The following GALNT11 variants were observed in gnomAD, a reference collection of about 807,000 sequenced individuals.
GALNT11 encodes the protein polypeptide N-acetylgalactosaminyltransferase 11.
GALNT11 carries 47 observed loss-of-function variants against 72.7 expected under a neutral mutation model. The ratio of observed to expected loss-of-function variants is 0.65; its 90% CI spans 0.51 to 0.82. The LOEUF (loss-of-function observed/expected upper bound fraction) is 0.82, where lower values mean the gene tolerates loss of function less well. Ranked by LOEUF, GALNT11 falls within the 40% of genes least tolerant of loss-of-function variation. The pLI, the probability that GALNT11 is intolerant of heterozygous loss-of-function variation, is 0.00. For synonymous variants in GALNT11, 270 were observed against 286.6 expected (o/e 0.94, Z 0.58); for missense variants, 677 against 778.4 (o/e 0.87, Z 1.55).
intron 8 of GALNT11, among the ~76,000 whole-genome samples, chr7:152,114,723 C>T (rs1224878542): frequency 1.3e-5 from 2 of 152,108 alleles, no homozygotes; most frequent in Non-Finnish European, 2.9e-5. Context: ...TGAGCCACCA[C>T]GCCTGGTTGC....
In GALNT11 at chr7:152,108,426, C is replaced by T. The variant is rs964276272; in HGVS notation, c.962+139C>T. ...TTTGTACGTTAAAAATTCTTGAGTA[C>T]GTATTGAATTTTATGCAGTCTGCCA... On this transcript the variant is annotated intron_variant, in intron 6 of 11. Coordinates refer to ENST00000430044, the MANE Select transcript of GALNT11 (RefSeq NM_022087.4). 10 of 1,312,244 alleles carry T rather than the reference C, an allele frequency of 7.6e-6. No homozygotes were observed. In the South Asian group the frequency reaches 8.9e-5, roughly 12 times the overall value. 81.3% of individuals were successfully genotyped at this position (1,312,244 alleles called of 1,614,324 possible). A position where few individuals can be genotyped will look rare whatever the true frequency, so the allele number is the denominator to read the frequency against.
At chr7:152,077,739 T>C (rs982985901) in intron 1 of GALNT11, among the ~76,000 whole-genome samples, 1 of 152,030 alleles carries the variant, frequency 6.6e-6, no homozygotes, top group Non-Finnish European at 1.5e-5. Context: ...TTTCAAATAG[T>C]GTCCACCATA....
At chr7:152,064,844 C>T (rs964205398) in intron 1 of GALNT11, among the ~76,000 whole-genome samples, 1 of 152,218 alleles carries the variant, frequency 6.6e-6, no homozygotes, top group African/African-American at 2.4e-5. Context: ...ATGGGCTTCC[C>T]TTTGTGGGTA....
chr7:152,057,654 C>T (rs904165943), intron 1 of GALNT11, among the ~76,000 whole-genome samples: 22 of 152,084 alleles, frequency 1.4e-4, no homozygotes, highest in Admixed American at 1.3e-4. Context: ...TCCTGACCCC[C>T]GTTCTTTTTA....
At chr7:152,108,010 T>C in intron 5 of GALNT11, 28 bp from the exon 6 acceptor site, 1 of 1,591,640 alleles carries the variant, frequency 6.3e-7, no homozygotes, top group Non-Finnish European at 8.6e-7. Flanking sequence ...TGTGACACTC[T>C]CCTGAGCCTC....
chr7:152,030,268 T>C (rs186768672), intron 1 of GALNT11, among the ~76,000 whole-genome samples: 8 of 152,124 alleles, frequency 5.3e-5, no homozygotes, highest in African/African-American at 1.9e-4. Flanking sequence ...CACGGGACGC[T>C]GGTGTTACCA....
At chr7:152,113,543 C>G (rs1039553428) in intron 8 of GALNT11, 145 bp downstream of exon 8, 3 of 802,362 alleles carry the variant, frequency 3.7e-6, no homozygotes, top group Non-Finnish European at 3.8e-6. Context: ...AGTTTCCCCC[C>G]ACCCCCTTCA....
intron 7 of GALNT11, among the ~76,000 whole-genome samples, chr7:152,112,708 A>T (rs2088376765): frequency 6.6e-6 from 1 of 152,124 alleles, no homozygotes; most frequent in African/African-American, 2.4e-5. Context: ...CTTAACTCCA[A>T]AGTAATTCAG....
At chr7:152,031,690 T>G (rs1045309484) in intron 1 of GALNT11, among the ~76,000 whole-genome samples, 3 of 152,338 alleles carry the variant, frequency 2.0e-5, no homozygotes, top group Non-Finnish European at 2.9e-5. Context: ...CCAAGAGCTA[T>G]CCCTGCTCTC....
At position 152,117,288 on chromosome 7, in the gene GALNT11, G is replaced by T; in HGVS notation, c.1365G>T (p.Met455Ile). ...ATTTGGATAATGTATACCCAGAGAT[G>T]CAGATATCTGGGTCCCACGCCAAAC... is the stretch of plus-strand genomic sequence containing the variant. ...KWYLDNVYPEMQISGSHAKPQ... is the reference protein window; with the variant it reads ...KWYLDNVYPEIQISGSHAKPQ... The change falls in exon 9 of 12, where the codon ATG becomes ATT. Residue 455 changes from methionine (M) to isoleucine (I), a missense_variant. Transcript: ENST00000430044. 1.2e-6 allele frequency: 2 copies of T among 1,614,184 alleles called. No homozygotes were observed. Among genetic ancestry groups the T allele is most frequent in the South Asian group, 2.2e-5 (2 of 91,088 alleles).
intron 8 of GALNT11, among the ~76,000 whole-genome samples, chr7:152,115,442 T>A (rs1011517147): frequency 6.6e-6 from 1 of 152,180 alleles, no homozygotes; most frequent in African/African-American, 2.4e-5. Flanking sequence ...CTTTTTAGTA[T>A]CCTGTGTGAG....
chr7:152,080,964 C>T (rs1334898169), intron 1 of GALNT11, among the ~76,000 whole-genome samples: 3 of 152,088 alleles, frequency 2.0e-5, no homozygotes, highest in African/African-American at 7.2e-5. Flanking sequence ...GAGCGAAACT[C>T]TGATTCAGAA....
intron 1 of GALNT11, among the ~76,000 whole-genome samples, chr7:152,055,446 G>A (rs1197026132): frequency 2.0e-5 from 3 of 151,252 alleles, no homozygotes; most frequent in African/African-American, 4.9e-5. Context: ...AATTTATTCT[G>A]TCTCCAAAGT....
intron 1 of GALNT11, among the ~76,000 whole-genome samples, chr7:152,026,956 A>C (rs948455604): frequency 1.3e-5 from 2 of 152,188 alleles, no homozygotes; most frequent in African/African-American, 4.8e-5. Context: ...TCTCTTTAAA[A>C]ATTTTTTTAT....
At chr7:152,106,005 G>A (rs1563075499) in intron 5 of GALNT11, among the ~76,000 whole-genome samples, 1 of 151,778 alleles carries the variant, frequency 6.6e-6, no homozygotes. Context: ...AAATATATCT[G>A]GTTAGTCTTC....
intron 3 of GALNT11, among the ~76,000 whole-genome samples, chr7:152,101,184 C>A (rs1463535399): frequency 6.6e-6 from 1 of 152,176 alleles, no homozygotes; most frequent in Non-Finnish European, 1.5e-5. Context: ...ATTAAATAAC[C>A]TGAGTATAAG....
intron 6 of GALNT11, among the ~76,000 whole-genome samples, chr7:152,109,757 T>C (rs1422178474): frequency 6.6e-6 from 1 of 152,180 alleles, no homozygotes; most frequent in Non-Finnish European, 1.5e-5. Context: ...TGGGATGATG[T>C]TTTTTCCCTG....
At chr7:152,084,784 G>A (rs138999256) in intron 1 of GALNT11, among the ~76,000 whole-genome samples, 60 of 152,232 alleles carry the variant, frequency 3.9e-4, no homozygotes, top group African/African-American at 1.3e-3. Flanking sequence ...AATACTAAGC[G>A]CTATGCTAAA....
chr7:152,060,956 C>A (rs2083974723), intron 1 of GALNT11, among the ~76,000 whole-genome samples: 1 of 152,142 alleles, frequency 6.6e-6, no homozygotes, highest in African/African-American at 2.4e-5. Context: ...GTCTTTATAG[C>A]AGCATGATTT....
Sources: allele counts gnomAD v4.1 joint callset (sites outside exome capture counted in the v4.1 genomes callset), GRCh38; gene constraint gnomAD v4.1.1; transcripts MANE v1.5; gene names NCBI Gene and HGNC (gene_info 2026-07-23, HGNC 2026-07-21).